Variants in FERMT2 observed in about 807,000 individuals in gnomAD.
FERMT2 encodes fermitin family homolog 2.
In FERMT2, 15 loss-of-function variants were observed where a neutral mutation model predicts 82.7. The observed-to-expected ratio is 0.18, with a 90% confidence interval of 0.12 to 0.28. The LOEUF is 0.28. Among genes scored for constraint, FERMT2 ranks in the 10% least tolerant of loss-of-function variants. The pLI is 1.00. For missense variants in FERMT2, 645 were observed against 809.4 expected, an observed-to-expected ratio of 0.80 and a Z score of 2.46; for synonymous variants, 274 against 271.5, an observed-to-expected ratio of 1.01 and a Z score of -0.09.
At chr14:52,904,123 G>A (rs1420887902) in intron 3 of FERMT2, among the ~76,000 whole-genome samples, 1 of 152,190 alleles carries the variant, frequency 6.6e-6, no homozygotes, top group Non-Finnish European at 1.5e-5. Flanking sequence ...CCTGGCGCCT[G>A]TAATCCCAGC....
At chr14:52,872,441 A>T (rs1419081734) in intron 10 of FERMT2, among the ~76,000 whole-genome samples, 1 of 152,088 alleles carries the variant, frequency 6.6e-6, no homozygotes, top group South Asian at 2.1e-4. Context: ...GACTGAGGCA[A>T]GAAAATCGCT....
At chr14:52,914,240 C>T (rs942242910) in intron 3 of FERMT2, among the ~76,000 whole-genome samples, 31 of 151,824 alleles carry the variant, frequency 2.0e-4, no homozygotes, top group African/African-American at 7.0e-4. Context: ...CATGGTGGTG[C>T]ATGCCTGTGG....
chr14:52,916,025 C>T (rs1331733153), intron 3 of FERMT2, among the ~76,000 whole-genome samples: 17 of 152,208 alleles, frequency 1.1e-4, no homozygotes, highest in Admixed American at 3.9e-4. Flanking sequence ...CACATCCAGA[C>T]GATGGAATAC....
chr14:52,925,179 T>C (rs913157812), intron 2 of FERMT2, among the ~76,000 whole-genome samples: 29 of 152,162 alleles, frequency 1.9e-4, no homozygotes, highest in African/African-American at 6.8e-4. Flanking sequence ...TATACACTGA[T>C]GAAAATCCTG....
chr14:52,912,486 C>G (rs545507184), intron 3 of FERMT2, among the ~76,000 whole-genome samples: 1 of 151,620 alleles, frequency 6.6e-6, no homozygotes, highest in Non-Finnish European at 1.5e-5. Flanking sequence ...CAGAAATTCC[C>G]TGAACATCCT....
At chr14:52,931,739 G>A (rs895608300) in intron 2 of FERMT2, among the ~76,000 whole-genome samples, 3 of 152,210 alleles carry the variant, frequency 2.0e-5, no homozygotes, top group African/African-American at 7.2e-5. Context: ...AACAAAAAAT[G>A]TTAAAAGGGG....
At chr14:52,942,933 C>G (rs1258738164) in intron 2 of FERMT2, among the ~76,000 whole-genome samples, 2 of 152,088 alleles carry the variant, frequency 1.3e-5, no homozygotes, top group African/African-American at 4.8e-5. Flanking sequence ...TCACTCTTGG[C>G]CAGGCGTGGT....
chr14:52,862,535 G>A (rs541722273), intron 12 of FERMT2: 2 of 152,592 alleles, frequency 1.3e-5, no homozygotes, highest in African/African-American at 4.8e-5. Flanking sequence ...TGGAGTGGCA[G>A]TGCGTGCCTG....
chr14:52,912,346 AG>A (rs1187989982), intron 3 of FERMT2, among the ~76,000 whole-genome samples: 1 of 152,156 alleles, frequency 6.6e-6, no homozygotes, highest in African/African-American at 2.4e-5. Context: ...TCTTTTCTGC[AG>A]GAAAGACTTT....
chr14:52,945,978 G>C lies in FERMT2; in HGVS notation c.157+4434C>G, dbSNP rs923901427. Among the ~76,000 whole-genome samples, 5 of 152,312 alleles carry C rather than the reference G, an allele frequency of 3.3e-5. No homozygotes were observed. In the East Asian group the frequency reaches 9.6e-4, roughly 29 times the overall value. ...TGCAACCTCCGCCTCCTGGGTTCGA[G>C]CGATTCTCCTGTCTCAGCCTCCCGA... On this transcript the variant is annotated intron_variant, in intron 2 of 14. Transcript: ENST00000341590.
At chr14:52,925,937 CCCGGCACAG>C (rs1476910664) in intron 2 of FERMT2, among the ~76,000 whole-genome samples, 1 of 152,150 alleles carries the variant, frequency 6.6e-6, no homozygotes, top group Non-Finnish European at 1.5e-5. Context: ...AGCCACCGCG[CCCGGCACAG>C]ATGCGGTAAC....
chr14:52,899,064 A>G (rs1399512605), intron 3 of FERMT2, among the ~76,000 whole-genome samples: 1 of 152,146 alleles, frequency 6.6e-6, no homozygotes, highest in East Asian at 1.9e-4. Context: ...TAATATGCAT[A>G]TTTACATTAG....
rs1299698237 is a variant in FERMT2, at chr14:52,881,275, C to G, written c.721G>C (p.Ala241Pro). 1 of 1,613,894 alleles carries G rather than the reference C, an allele frequency of 6.2e-7. No homozygotes were observed. The highest frequency in any genetic ancestry group is 8.5e-7 in the Non-Finnish European group (1 of 1,179,984). ...TTGATTTTTGCTTTATCAAGAAGAGCTTGAGGCTTGAACATTTTTGCCAAG... is the reference window on the plus strand; with the variant it reads ...TTGATTTTTGCTTTATCAAGAAGAGGTTGAGGCTTGAACATTTTTGCCAAG... ...EILAKMFKPQALLDKAKINQG... is the reference protein window; with the variant it reads ...EILAKMFKPQPLLDKAKINQG... The change falls in exon 5 of 15, where the codon GCT (alanine) becomes CCT (proline). Residue 241 changes from alanine to proline, a missense_variant. Physicochemically the swap from Ala to Pro is conservative, Grantham distance 27. Coordinates refer to ENST00000341590, the MANE Select transcript of FERMT2 (RefSeq NM_006832.3).
chr14:52,906,295 T>G (rs1330555975), intron 3 of FERMT2, among the ~76,000 whole-genome samples: 1 of 151,682 alleles, frequency 6.6e-6, no homozygotes, highest in Non-Finnish European at 1.5e-5. Flanking sequence ...GCTAAAAGAG[T>G]TAATGTTCCT....
At chr14:52,874,747 T>C (rs1885847791) in intron 8 of FERMT2, among the ~76,000 whole-genome samples, 1 of 152,158 alleles carries the variant, frequency 6.6e-6, no homozygotes, top group South Asian at 2.1e-4. Context: ...AGTATTAGAG[T>C]ATTAGATCTA....
At chr14:52,927,314 G>A (rs986900343) in intron 2 of FERMT2, among the ~76,000 whole-genome samples, 1 of 151,986 alleles carries the variant, frequency 6.6e-6, no homozygotes, top group African/African-American at 2.4e-5. Context: ...CTTTTTGCTA[G>A]AGAAAATATT....
intron 3 of FERMT2, among the ~76,000 whole-genome samples, chr14:52,896,015 A>G (rs1161484398): frequency 6.6e-6 from 1 of 152,192 alleles, no homozygotes; most frequent in Non-Finnish European, 1.5e-5. Flanking sequence ...TGGCCTCCCA[A>G]AGTGATGGGA....
intron 4 of FERMT2, among the ~76,000 whole-genome samples, chr14:52,891,832 A>G (rs559195702): frequency 6.6e-6 from 1 of 152,230 alleles, no homozygotes; most frequent in African/African-American, 2.4e-5. Flanking sequence ...CCACGATTAA[A>G]GAACAATATA....
chr14:52,882,301 G>A (rs1886345250), intron 4 of FERMT2, among the ~76,000 whole-genome samples: 1 of 152,112 alleles, frequency 6.6e-6, no homozygotes, highest in African/African-American at 2.4e-5. Context: ...GCCCTAGAAA[G>A]AGTCTAAACA....
Sources: gnomAD v4.1 joint callset for allele counts (sites outside exome capture counted in the v4.1 genomes callset) on GRCh38, gnomAD v4.1.1 for gene constraint, MANE v1.5 for transcripts, NCBI Gene and HGNC (gene_info 2026-07-23, HGNC 2026-07-21) for gene names.